Variants in FGF13 observed in about 807,000 individuals in gnomAD.
FGF13 encodes fibroblast growth factor 13, also known as fibroblast growth factor homologous factor 2.
A neutral mutation model predicts 19.5 loss-of-function variants in FGF13; 2 were observed. That is an observed-to-expected ratio of 0.10 (90% CI 0.04 to 0.32). The LOEUF (loss-of-function observed/expected upper bound fraction) is 0.32, where lower values mean the gene tolerates loss of function less well. FGF13 is among the 10% of genes least tolerant of loss of function. FGF13 has a pLI of 1.00. For synonymous variants in FGF13, 72 were observed against 76.9 expected (o/e 0.94, Z 0.33); for missense variants, 113 against 192.7 (o/e 0.59, Z 2.45).
chrX:139,076,454 A>AAC (rs915546296), intron 1 of FGF13, among the ~76,000 whole-genome samples: 2 of 111,032 alleles, frequency 1.8e-5, no homozygotes, highest in African/African-American at 6.5e-5. Flanking sequence ...AAAAAAAACA[A>AAC]ACACACACAC....
chrX:139,114,305 T>C (rs1462964119), intron 1 of FGF13, among the ~76,000 whole-genome samples: 1 of 112,245 alleles, frequency 8.9e-6, no homozygotes, highest in East Asian at 2.8e-4. Flanking sequence ...GAGGCAACTG[T>C]TCAAACACAC....
intron 1 of FGF13, among the ~76,000 whole-genome samples, chrX:138,934,476 C>G (rs2091721238): frequency 2.7e-5 from 3 of 112,522 alleles, no homozygotes; most frequent in African/African-American, 3.2e-5. Context: ...TCAATCCTGC[C>G]TAATAAGTCT....
At chrX:139,141,143 C>T (rs1458222102) in intron 1 of FGF13, among the ~76,000 whole-genome samples, 2 of 107,265 alleles carry the variant, frequency 1.9e-5, no homozygotes, top group Non-Finnish European at 3.8e-5. Flanking sequence ...AATTGGCACC[C>T]TTTCCCCAAG....
At chrX:139,061,259 T>C (rs767950451) in intron 1 of FGF13, among the ~76,000 whole-genome samples, 4 of 112,022 alleles carry the variant, frequency 3.6e-5, no homozygotes, top group Admixed American at 1.9e-4. Flanking sequence ...GGTTTGCTCC[T>C]ACCAAAACTC....
chrX:138,673,116 A>G (rs1346572909), intron 3 of FGF13, among the ~76,000 whole-genome samples: 1 of 111,354 alleles, frequency 9.0e-6, no homozygotes, highest in Non-Finnish European at 1.9e-5. Context: ...ATGGGAAGAG[A>G]TGAAGTGGAC....
intron 1 of FGF13, among the ~76,000 whole-genome samples, chrX:138,941,201 T>C (rs1031632298): frequency 2.7e-5 from 3 of 111,328 alleles, no homozygotes; most frequent in African/African-American, 6.5e-5. Flanking sequence ...GTACTAGAAG[T>C]TCCGGCCAGA....
chrX:138,807,030 A>G (rs1163946281), intron 3 of FGF13: 1 of 111,449 alleles, frequency 9.0e-6, no homozygotes, highest in Non-Finnish European at 1.9e-5. Flanking sequence ...AAATTGGAGA[A>G]GGCCACCAAT....
chrX:139,005,608 C>T (rs1444821550), intron 1 of FGF13, among the ~76,000 whole-genome samples: 4 of 109,644 alleles, frequency 3.6e-5, no homozygotes, highest in Non-Finnish European at 7.6e-5. Context: ...AGAGGCCAAG[C>T]CTGAAGAAAG....
At chrX:139,154,277 T>A in intron 1 of FGF13, among the ~76,000 whole-genome samples, 1 of 110,967 alleles carries the variant, frequency 9.0e-6, no homozygotes. Context: ...GGACAAAAAA[T>A]AGCACTCCTG....
At chrX:138,746,127 G>A (rs2090353712) in intron 3 of FGF13, among the ~76,000 whole-genome samples, 2 of 111,772 alleles carry the variant, frequency 1.8e-5, no homozygotes, top group Non-Finnish European at 3.8e-5. Flanking sequence ...GAGAGGGTTT[G>A]GGAGGTACAC....
intron 3 of FGF13, among the ~76,000 whole-genome samples, chrX:138,798,016 A>C (rs2090792823): frequency 8.9e-6 from 1 of 111,820 alleles, no homozygotes; most frequent in Admixed American, 9.5e-5. Flanking sequence ...AAATAGAGAC[A>C]ATTTGACTTC....
At chrX:139,124,157 G>A (rs376520660) in intron 1 of FGF13, among the ~76,000 whole-genome samples, 14 of 112,329 alleles carry the variant, frequency 1.2e-4, no homozygotes, top group African/African-American at 4.5e-4. Context: ...GTCCTTGCAT[G>A]AAATGTAGTG....
intron 3 of FGF13, among the ~76,000 whole-genome samples, chrX:138,664,577 G>C (rs1469335169): frequency 4.5e-5 from 5 of 110,010 alleles, no homozygotes; most frequent in Non-Finnish European, 5.7e-5. Context: ...GAGAGAGAGA[G>C]AGAAAAGGGA....
intron 3 of FGF13, among the ~76,000 whole-genome samples, chrX:138,756,594 T>C (rs1409284851): frequency 1.8e-5 from 2 of 112,683 alleles, no homozygotes; most frequent in African/African-American, 6.4e-5. Context: ...CATATGTTTC[T>C]AACTGAAATG....
At chrX:139,056,779 T>C in intron 1 of FGF13, among the ~76,000 whole-genome samples, 1 of 112,035 alleles carries the variant, frequency 8.9e-6, no homozygotes, top group Admixed American at 9.4e-5. Flanking sequence ...TTAAGTTTTC[T>C]TTCTCTGGCT....
chrX:138,872,506 C>T (rs1035085482), intron 1 of FGF13, among the ~76,000 whole-genome samples: 1 of 112,000 alleles, frequency 8.9e-6, no homozygotes, highest in Non-Finnish European at 1.9e-5. Flanking sequence ...TTGTTTCTGT[C>T]CTCTAGATCA....
intron 2 of FGF13, among the ~76,000 whole-genome samples, chrX:138,858,863 C>A (rs1269376278): frequency 9.0e-6 from 1 of 111,611 alleles, no homozygotes; most frequent in Non-Finnish European, 1.9e-5. Context: ...TCTTAAGGGG[C>A]TTTAAGAATT....
At position 138,703,167 on chromosome X, in the gene FGF13, G is replaced by A. The variant is rs369530495; in HGVS notation, c.299-80C>T. The A allele has an allele frequency of 3.7e-5, 28 of 750,724 alleles. No individual in the cohort carries two copies. The East Asian group carries it at 8.6e-4, about 23-fold the overall frequency. The allele number at this position is 750,724 out of a possible 1,213,427, so 61.9% of individuals were successfully genotyped here. A position where few individuals can be genotyped will look rare whatever the true frequency, so the allele number is the denominator to read the frequency against. Reference sequence around the variant, plus strand: ...TTCAATGTTTCCAGCAGGACTGCCTGGTCCTCCAAAAGTAGTGTGTAGTTG... The same window carrying A: ...TTCAATGTTTCCAGCAGGACTGCCTAGTCCTCCAAAAGTAGTGTGTAGTTG... On this transcript the variant is annotated intron_variant, in intron 2 of 4. Coordinates refer to ENST00000315930, the MANE Select transcript of FGF13 (RefSeq NM_004114.5).
intron 1 of FGF13, among the ~76,000 whole-genome samples, chrX:139,077,740 C>A (rs1343311965): frequency 8.9e-6 from 1 of 111,870 alleles, no homozygotes. Flanking sequence ...CTGATTGCCA[C>A]ATAAGAGTGA....
Sources: gnomAD v4.1 joint callset for allele counts (sites outside exome capture counted in the v4.1 genomes callset) on GRCh38, gnomAD v4.1.1 for gene constraint, MANE v1.5 for transcripts, NCBI Gene and HGNC (gene_info 2026-07-23, HGNC 2026-07-21) for gene names.